GALNS: variants seen among roughly 807,000 people sequenced by gnomAD.
GALNS encodes galactosamine (N-acetyl)-6-sulfatase.
GALNS carries 65 observed loss-of-function variants against 65.9 expected under a neutral mutation model. The observed-to-expected ratio is 0.99, with a 90% CI of 0.81 to 1.21. The LOEUF (loss-of-function observed/expected upper bound fraction) is 1.21, where lower values mean the gene tolerates loss of function less well. GALNS is among the 50% of genes most tolerant of loss of function. GALNS has a pLI of 0.00. For synonymous variants in GALNS, 346 were observed against 288.9 expected, an observed-to-expected ratio of 1.20 and a Z score of -2.00; for missense variants, 776 against 700.7, an observed-to-expected ratio of 1.11 and a Z score of -1.21.
In GALNS at chr16:88,841,237, C is replaced by T. The variant is rs150052464; in HGVS notation, c.320-143G>A. The T allele has an allele frequency of 8.5e-4, 606 of 717,032 alleles. 8 individuals are homozygous for T. The East Asian group carries it at 0.016, about 18-fold the overall frequency. 44.4% of individuals were successfully genotyped at this position (717,032 alleles called of 1,614,324 possible). On this transcript the variant is annotated intron_variant, in intron 3 of 13. Transcript: ENST00000268695. ...GGTCAAAGGCTGTGCCTGGGGGCTG[C>T]GCGTCCACAGGGCATGGCACTTCCC...
chr16:88,848,855 G>A (rs991620282), intron 1 of GALNS, among the ~76,000 whole-genome samples: 2 of 152,246 alleles, frequency 1.3e-5, no homozygotes, highest in African/African-American at 4.8e-5. Context: ...CTGGGCGCAC[G>A]TGGGTGGCTG....
At chr16:88,831,870 C>G in intron 9 of GALNS, 128 bp downstream of exon 9, 1 of 763,714 alleles carries the variant, frequency 1.3e-6, no homozygotes, top group Non-Finnish European at 2.2e-6. Flanking sequence ...GCACAGGGTG[C>G]GTGGGGAGGA....
intron 3 of GALNS, among the ~76,000 whole-genome samples, chr16:88,841,692 C>T (rs1288681691): frequency 6.6e-6 from 1 of 152,176 alleles, no homozygotes; most frequent in African/African-American, 2.4e-5. Context: ...GACTGGGCAC[C>T]CTCCGCTCAG....
At chr16:88,840,695 G>A (rs1966923758) in intron 4 of GALNS, 2 of 455,494 alleles carry the variant, frequency 4.4e-6, no homozygotes, top group Admixed American at 3.4e-5. Flanking sequence ...CAGCCGGGGG[G>A]CAGTGGTGGC....
intron 13 of GALNS, chr16:88,815,390 G>C (rs937488186): frequency 2.0e-6 from 2 of 985,352 alleles, no homozygotes; most frequent in African/African-American, 3.5e-5. Flanking sequence ...GCCTTTCCCA[G>C]GGAGAAGCCA....
At chr16:88,821,888 C>T (rs557024800) in intron 12 of GALNS, among the ~76,000 whole-genome samples, 2 of 152,288 alleles carry the variant, frequency 1.3e-5, no homozygotes, top group African/African-American at 2.4e-5. Context: ...CATGCACGTG[C>T]CCCAGGACCC....
At chr16:88,816,368 C>A in intron 13 of GALNS, 2 of 985,412 alleles carry the variant, frequency 2.0e-6, no homozygotes, top group Non-Finnish European at 2.4e-6. Context: ...CGGCTGGTGG[C>A]CCTGGGCTCC....
In GALNS at chr16:88,835,206, C is replaced by T. The variant is rs1370799552; in HGVS notation, c.898+7G>A. ...GGAAACCGTGAGAAGTGACAGCGAG[C>T]ACTCACCTTGTTCGGGGGCGGAAAT... On this transcript the variant is annotated splice_region_variant and intron_variant, in intron 8 of 13. Transcript: ENST00000268695. 1 of 1,574,484 alleles carries T rather than the reference C, an allele frequency of 6.4e-7. No individual in the cohort carries two copies. Among genetic ancestry groups the T allele is most frequent in the Non-Finnish European group, 8.6e-7 (1 of 1,158,528 alleles).
intron 11 of GALNS, among the ~76,000 whole-genome samples, chr16:88,823,516 C>A (rs1910473153): frequency 6.9e-6 from 1 of 145,754 alleles, no homozygotes; most frequent in Admixed American, 6.8e-5. Context: ...CCCAGGACGG[C>A]CCTCGCAGGC....
intron 10 of GALNS, among the ~76,000 whole-genome samples, chr16:88,825,415 TCTGGGGTGC>T (rs1910766237): frequency 2.3e-5 from 3 of 130,284 alleles, no homozygotes; most frequent in Non-Finnish European, 4.9e-5. Flanking sequence ...TGACTGGGTG[TCTGGGGTGC>T]CTGGGTGTCT....
rs1221254732 is a variant in GALNS, at chr16:88,836,185, G to A, written c.633+16C>T. 3 of 1,611,676 alleles carry A rather than the reference G, an allele frequency of 1.9e-6. No individual in the cohort carries two copies. The highest frequency in any genetic ancestry group is 2.7e-5 in the African/African-American group (2 of 74,900). On this transcript the variant is annotated intron_variant, in intron 6 of 13. Coordinates refer to ENST00000268695, the MANE Select transcript of GALNS (RefSeq NM_000512.5). ...CCATGCGTCCCACAGGGCGAGGATGGTGCGGTCCCCATCACCTGCAGGTAG... is the reference window on the plus strand; with the variant it reads ...CCATGCGTCCCACAGGGCGAGGATGATGCGGTCCCCATCACCTGCAGGTAG...
At position 88,814,369 on chromosome 16, in the gene GALNS, A is replaced by G. The variant is rs933630786; in HGVS notation, c.*70T>C. The stretch of plus-strand genomic sequence containing the variant: ...AGGGTTGGGGGAGGACCGAGGCCAG[A>G]GCCATCCTTCCTCCAGGCACTTGCA... On this transcript the variant is annotated 3_prime_UTR_variant, in exon 14 of 14. Transcript: ENST00000268695. The G allele has an allele frequency of 3.2e-6, 5 of 1,544,288 alleles. No individual in the cohort carries two copies. In the South Asian group the frequency reaches 4.8e-5, roughly 15 times the overall value.
intron 4 of GALNS, among the ~76,000 whole-genome samples, chr16:88,839,880 G>C (rs1042735031): frequency 3.9e-5 from 6 of 152,394 alleles, no homozygotes; most frequent in African/African-American, 1.4e-4. Context: ...GCCCAAGACA[G>C]AGCTGCCAGG....
intron 12 of GALNS, among the ~76,000 whole-genome samples, chr16:88,819,454 G>C (rs1482142845): frequency 6.6e-6 from 1 of 152,262 alleles, no homozygotes. Context: ...ACTGCTGGTT[G>C]AGAACTGGCG....
chr16:88,847,134 C>T (rs1157581203), intron 1 of GALNS, among the ~76,000 whole-genome samples: 1 of 152,116 alleles, frequency 6.6e-6, no homozygotes, highest in East Asian at 1.9e-4. Flanking sequence ...ACCGATGGTT[C>T]TTTTTTTAAG....
At chr16:88,834,842 C>A (rs546414906) in intron 8 of GALNS, among the ~76,000 whole-genome samples, 1 of 152,096 alleles carries the variant, frequency 6.6e-6, no homozygotes, top group African/African-American at 2.4e-5. Context: ...CAGGGCTGCT[C>A]GGGGTCTGGG....
Position 88,837,689 on chromosome 16 carries a change from A to G in GALNS, c.499T>C (p.Phe167Leu), listed in dbSNP as rs148565559. 7 of 1,614,086 alleles carry G rather than the reference A, an allele frequency of 4.3e-6. No homozygotes were observed. The African/African-American group carries it at 6.7e-5, about 15-fold the overall frequency. ...CTGGCCTTGTTGTCATAAGGTCCAA[A>G]GTGGCAGTTGGGGGATCCAAACCAC... ...DEWFGSPNCH[F>L]GPYDNKARPN... is the part of the protein sequence containing the mutation. Residue 167 changes from phenylalanine (F) to leucine (L), a missense_variant, in exon 5 of 14, where the codon TTT becomes CTT. Transcript: ENST00000268695.
chr16:88,818,151 G>T, intron 12 of GALNS, 27 bp from the exon 13 acceptor site: 1 of 1,542,846 alleles, frequency 6.5e-7, no homozygotes. Context: ...CTGGTCACAC[G>T]GCTGGGGCTG....
At chr16:88,829,396 G>A (rs941865169) in intron 9 of GALNS, among the ~76,000 whole-genome samples, 2 of 152,224 alleles carry the variant, frequency 1.3e-5, no homozygotes, top group African/African-American at 2.4e-5. Flanking sequence ...TGCACAACAA[G>A]GCGGTCACTC....
Sources: allele counts gnomAD v4.1 joint callset (sites outside exome capture counted in the v4.1 genomes callset), GRCh38; gene constraint gnomAD v4.1.1; transcripts MANE v1.5; gene names NCBI Gene and HGNC (gene_info 2026-07-23, HGNC 2026-07-21).